GLRA3: variants seen among roughly 807,000 people sequenced by gnomAD.
The protein encoded by GLRA3 is glycine receptor alpha 3.
A neutral mutation model predicts 60.4 loss-of-function variants in GLRA3; 44 were observed. That is an observed-to-expected ratio of 0.73 (90% CI 0.57 to 0.94). The LOEUF (loss-of-function observed/expected upper bound fraction) is 0.94, where lower values mean the gene tolerates loss of function less well. Among genes scored for constraint, GLRA3 ranks in the 40% least tolerant of loss-of-function variants. The pLI, the probability that GLRA3 is intolerant of heterozygous loss-of-function variation, is 0.00. For synonymous variants in GLRA3, 223 were observed against 192.9 expected, an observed-to-expected ratio of 1.16 and a Z score of -1.29; for missense variants, 508 against 564.6, an observed-to-expected ratio of 0.90 and a Z score of 1.02.
At chr4:174,828,684 G>T (rs1741079215) in intron 1 of GLRA3, 57 bp downstream of exon 1, 2 of 1,036,244 alleles carry the variant, frequency 1.9e-6, no homozygotes, top group Non-Finnish European at 3.1e-6. Flanking sequence ...ACAAGTGGTT[G>T]CAACGTAATG....
chr4:174,810,054 C>T (rs1740199822), intron 1 of GLRA3, among the ~76,000 whole-genome samples: 2 of 152,102 alleles, frequency 1.3e-5, no homozygotes, highest in Admixed American at 6.6e-5. Flanking sequence ...TACAATGTGT[C>T]GAGCACTGTC....
At chr4:174,669,761 G>C (rs1266358487) in intron 7 of GLRA3, among the ~76,000 whole-genome samples, 1 of 151,972 alleles carries the variant, frequency 6.6e-6, no homozygotes, top group Non-Finnish European at 1.5e-5. Context: ...GAAATGTGGA[G>C]ACAAGAGTCT....
At chr4:174,682,968 A>C (rs775169980) in intron 5 of GLRA3, 29 bp from the exon 6 acceptor site, 1 of 1,574,530 alleles carries the variant, frequency 6.4e-7, no homozygotes, top group Non-Finnish European at 8.7e-7. Flanking sequence ...AAATATGAAT[A>C]GTCTAAAAAG....
intron 1 of GLRA3, among the ~76,000 whole-genome samples, chr4:174,806,367 C>A (rs1025403440): frequency 9.9e-5 from 15 of 152,056 alleles, no homozygotes; most frequent in African/African-American, 3.4e-4. Context: ...TTCTATAAGA[C>A]ATTGCAGAAT....
At chr4:174,666,880 T>C (rs989400966) in intron 7 of GLRA3, among the ~76,000 whole-genome samples, 1 of 151,374 alleles carries the variant, frequency 6.6e-6, no homozygotes, top group African/African-American at 2.4e-5. Context: ...TGCCTAACCA[T>C]GAGATTTCTC....
At chr4:174,721,418 T>C (rs1004446284) in intron 4 of GLRA3, among the ~76,000 whole-genome samples, 19 of 151,840 alleles carry the variant, frequency 1.3e-4, no homozygotes, top group Non-Finnish European at 2.2e-4. Context: ...TAGTTTGTTA[T>C]AGCACTTGTA....
intron 9 of GLRA3, among the ~76,000 whole-genome samples, chr4:174,646,799 T>C (rs1359577642): frequency 1.3e-5 from 2 of 152,072 alleles, no homozygotes; most frequent in Admixed American, 6.6e-5. Context: ...TTAAAGCCTA[T>C]GGGTGTTCTG....
intron 9 of GLRA3, among the ~76,000 whole-genome samples, chr4:174,651,305 G>A (rs1360658386): frequency 3.3e-5 from 5 of 152,054 alleles, no homozygotes; most frequent in African/African-American, 1.2e-4. Context: ...GAGATGACAA[G>A]GACATGGAAA....
At chr4:174,821,989 T>C (rs1048598989) in intron 1 of GLRA3, among the ~76,000 whole-genome samples, 1 of 152,212 alleles carries the variant, frequency 6.6e-6, no homozygotes, top group Non-Finnish European at 1.5e-5. Flanking sequence ...TTGTTGAGCA[T>C]GCATGACATT....
chr4:174,682,727 G>T, intron 6 of GLRA3, 75 bp downstream of exon 6: 2 of 1,063,210 alleles, frequency 1.9e-6, no homozygotes, highest in Non-Finnish European at 2.8e-6. Context: ...AAATAACTTA[G>T]CATTATAATG....
chr4:174,801,765 G>C (rs1739822179), intron 1 of GLRA3, among the ~76,000 whole-genome samples: 1 of 151,960 alleles, frequency 6.6e-6, no homozygotes, highest in Admixed American at 6.6e-5. Flanking sequence ...TTATGATCCA[G>C]ATTTAAGCAT....
At chr4:174,705,614 A>G (rs1735480760) in intron 5 of GLRA3, among the ~76,000 whole-genome samples, 1 of 143,662 alleles carries the variant, frequency 7.0e-6, no homozygotes, top group Non-Finnish European at 1.5e-5. Flanking sequence ...AGAAGAGGGG[A>G]GTCATTCCGG....
intron 1 of GLRA3, among the ~76,000 whole-genome samples, chr4:174,820,262 C>T (rs1468452725): frequency 6.6e-6 from 1 of 152,112 alleles, no homozygotes; most frequent in Non-Finnish European, 1.5e-5. Flanking sequence ...ATAAGCTGCA[C>T]CAAATTCCTC....
chr4:174,690,147 G>A (rs915454205), intron 5 of GLRA3, among the ~76,000 whole-genome samples: 3 of 152,120 alleles, frequency 2.0e-5, no homozygotes, highest in Non-Finnish European at 4.4e-5. Context: ...AAAATAATGT[G>A]TACACATGGA....
chr4:174,812,015 A>G (rs1740295755), intron 1 of GLRA3, among the ~76,000 whole-genome samples: 1 of 152,210 alleles, frequency 6.6e-6, no homozygotes, highest in African/African-American at 2.4e-5. Flanking sequence ...TGTTTAAAAT[A>G]AAAACACTAT....
chr4:174,821,518 G>A (rs1273346080), intron 1 of GLRA3, among the ~76,000 whole-genome samples: 2 of 151,854 alleles, frequency 1.3e-5, no homozygotes, highest in Non-Finnish European at 2.9e-5. Context: ...TTTTCTCAGG[G>A]GGATAAAAAG....
At position 174,828,912 on chromosome 4, in the gene GLRA3, G is replaced by T; in HGVS notation, c.-101C>A. The T allele has an allele frequency of 2.4e-6, 2 of 825,548 alleles. No individual in the cohort carries two copies. Among genetic ancestry groups the T allele is most frequent in the East Asian group, 2.5e-5 (1 of 40,620 alleles). The allele number at this position is 825,548 out of a possible 1,614,324, so 51.1% of individuals were successfully genotyped here. A position where few individuals can be genotyped will look rare whatever the true frequency, so the allele number is the denominator to read the frequency against. On this transcript the variant is annotated 5_prime_UTR_variant, in exon 1 of 10. Coordinates refer to ENST00000274093, the MANE Select transcript of GLRA3 (RefSeq NM_006529.4). ...GTACAATCTAACCCCGCATGGTGTT[G>T]GTGTAGACTGATGCTTGGGAAGCTT...
In GLRA3 at chr4:174,682,462, C is replaced by G. The variant is rs535270594; in HGVS notation, c.712+340G>C. ...TAAAAAAAAATGTTCTTAACAGATACAGTGTTTACTGCCCAAGAATGGTTA... is the reference window on the plus strand; with the variant it reads ...TAAAAAAAAATGTTCTTAACAGATAGAGTGTTTACTGCCCAAGAATGGTTA... On this transcript the variant is annotated intron_variant, in intron 6 of 9. Transcript: ENST00000274093. Among the ~76,000 whole-genome samples, 3 of 152,106 alleles carry G rather than the reference C, an allele frequency of 2.0e-5. No homozygotes were observed. In the East Asian group the frequency reaches 5.8e-4, roughly 29 times the overall value.
rs1037289064 is a variant in GLRA3, at chr4:174,639,679, G to A, written c.*4107C>T. On this transcript the variant is annotated 3_prime_UTR_variant, in exon 10 of 10. Coordinates refer to ENST00000274093, the MANE Select transcript of GLRA3 (RefSeq NM_006529.4). ...TTTTGAAGTAATTGGAGTACCAGGT[G>A]TCTCCCTATGGAAGTTCACTTTTTA... The A allele has an allele frequency of 6.6e-5, 10 of 152,062 alleles. No homozygotes were observed. Among genetic ancestry groups the A allele is most frequent in the Non-Finnish European group, 1.5e-4 (10 of 67,998 alleles). 9.4% of individuals were successfully genotyped at this position (152,062 alleles called of 1,614,324 possible).
Sources: allele counts gnomAD v4.1 joint callset (sites outside exome capture counted in the v4.1 genomes callset), GRCh38; gene constraint gnomAD v4.1.1; transcripts MANE v1.5; gene names NCBI Gene and HGNC (gene_info 2026-07-23, HGNC 2026-07-21).